The following PCDHA1 variants were observed in gnomAD, a reference collection of about 807,000 sequenced individuals.
The protein encoded by PCDHA1 is protocadherin alpha 1, also known as protocadherin alpha-1.
A neutral mutation model predicts 61.3 loss-of-function variants in PCDHA1; 42 were observed. The ratio of observed to expected loss-of-function variants is 0.69; its 90% CI spans 0.54 to 0.89. The LOEUF (loss-of-function observed/expected upper bound fraction) is 0.89, where lower values mean the gene tolerates loss of function less well. Among genes scored for constraint, PCDHA1 ranks in the 40% least tolerant of loss-of-function variants. The pLI is 0.00. For missense variants in PCDHA1, 1,256 were observed against 1,235.3 expected (o/e 1.02, Z -0.25); for synonymous variants, 610 against 553.8 (o/e 1.10, Z -1.43).
At chr5:140,933,613 A>G (rs1441475985) in intron 1 of PCDHA1, among the ~76,000 whole-genome samples, 1 of 151,962 alleles carries the variant, frequency 6.6e-6, no homozygotes, top group Non-Finnish European at 1.5e-5. Flanking sequence ...TTCTTTTCTT[A>G]TTAGGTTAGG....
Position 140,829,404 on chromosome 5 carries a change from C to T in PCDHA1, c.2394+40720C>T, listed in dbSNP as rs2150167278. On this transcript the variant is annotated intron_variant, in intron 1 of 3. Transcript: ENST00000504120. The stretch of plus-strand genomic sequence containing the variant: ...GGGGGCTCGCCTTCGCTGTGGGCCA[C>T]CGCCAGCTTGTCTGTGGAGGTGGCC... 9.9e-6 allele frequency: 16 copies of T among 1,613,990 alleles called. No homozygotes were observed. In the Admixed American group the frequency reaches 1.8e-4, roughly 18 times the overall value.
intron 1 of PCDHA1, chr5:140,870,171 C>T: frequency 6.2e-7 from 1 of 1,614,140 alleles, no homozygotes; most frequent in East Asian, 2.2e-5. Context: ...CCTTGTCCCT[C>T]CCAGTACGAG....
chr5:140,829,569 C>G (rs2150170274), intron 1 of PCDHA1: 1 of 1,612,602 alleles, frequency 6.2e-7, no homozygotes, highest in East Asian at 2.2e-5. Context: ...GTGTCCTACT[C>G]GCTGGTGGAG....
intron 1 of PCDHA1, chr5:140,822,072 G>C: frequency 6.2e-7 from 1 of 1,614,228 alleles, no homozygotes; most frequent in South Asian, 1.1e-5. Context: ...GGCGGAGGGC[G>C]GAGTGCAGCA....
intron 1 of PCDHA1, among the ~76,000 whole-genome samples, chr5:140,974,870 A>G (rs781837180): frequency 9.9e-5 from 15 of 152,182 alleles, no homozygotes; most frequent in African/African-American, 1.4e-4. Context: ...AATGCGGAAC[A>G]GTCTATGTAT....
chr5:140,849,985 G>A lies in PCDHA1; in HGVS notation c.2394+61301G>A, dbSNP rs2150461572. On this transcript the variant is annotated intron_variant, in intron 1 of 3. Coordinates refer to ENST00000504120, the MANE Select transcript of PCDHA1 (RefSeq NM_018900.4). ...CTGGTGTCCTACTCGCTGGTGGAGC[G>A]GCGGTTGGGCGAGCGCTCGCTGTCG... 42 of 1,597,276 alleles carry A rather than the reference G, an allele frequency of 2.6e-5. No homozygotes were observed. The East Asian group carries it at 9.4e-4, about 36-fold the overall frequency.
chr5:140,863,407 C>A (rs1343146552), intron 1 of PCDHA1: 4 of 788,794 alleles, frequency 5.1e-6, no homozygotes, highest in African/African-American at 1.7e-5. Flanking sequence ...CAAGCCCACG[C>A]TGGTGTACCG....
rs2042053771 is a variant in PCDHA1, at chr5:140,851,409, G to T, written c.2394+62725G>T. The T allele has an allele frequency of 1.7e-5, 16 of 964,844 alleles. 3 individuals are homozygous for T. Among genetic ancestry groups the T allele is most frequent in the Non-Finnish European group, 1.6e-5 (13 of 797,918 alleles). The allele number at this position is 964,844 out of a possible 1,614,324, so 59.8% of individuals were successfully genotyped here. On this transcript the variant is annotated intron_variant, in intron 1 of 3. Transcript: ENST00000504120. ...CAGTATCTATTATTTTAATAAGAAA[G>T]AAACTTCCCCTAAACTTTAGAAAAC...
At chr5:140,896,140 C>A (rs1415728420) in intron 1 of PCDHA1, among the ~76,000 whole-genome samples, 6 of 152,140 alleles carry the variant, frequency 3.9e-5, no homozygotes, top group Non-Finnish European at 7.4e-5. Flanking sequence ...ATCCAGTGCA[C>A]CATTGATGGG....
intron 1 of PCDHA1, chr5:140,796,428 G>T (rs562918602): frequency 1.2e-6 from 2 of 1,613,742 alleles, no homozygotes. Context: ...AGGAGAACGC[G>T]CTGGTGTCCT....
At chr5:140,795,976 T>C in intron 1 of PCDHA1, 1 of 1,614,100 alleles carries the variant, frequency 6.2e-7, no homozygotes, top group Non-Finnish European at 8.5e-7. Context: ...TAAAATTTCA[T>C]TAAAACTTGT....
chr5:140,859,141 A>T (rs1275943443), intron 1 of PCDHA1: 1 of 150,200 alleles, frequency 6.7e-6, no homozygotes, highest in African/African-American at 2.4e-5. Context: ...ACATAATTTT[A>T]TCCAGTAGCT....
intron 1 of PCDHA1, chr5:140,849,896 C>G: frequency 6.3e-7 from 1 of 1,598,590 alleles, no homozygotes; most frequent in Non-Finnish European, 8.6e-7. Flanking sequence ...TGAAGGAGAA[C>G]AACCCGCCGG....
At chr5:140,831,283 T>A (rs1771463407) in intron 1 of PCDHA1, 3 of 152,224 alleles carry the variant, frequency 2.0e-5, no homozygotes, top group Admixed American at 1.3e-4. Flanking sequence ...GGTCTTCTCT[T>A]CATGGAGTCT....
Position 140,827,991 on chromosome 5 carries a change from T to C in PCDHA1, c.2394+39307T>C, listed in dbSNP as rs1173902795. 6.1e-6 allele frequency: 9 copies of C among 1,468,882 alleles called. No individual in the cohort carries two copies. The African/African-American group carries it at 8.5e-5, about 14-fold the overall frequency. The allele number at this position is 1,468,882 out of a possible 1,614,324, so 91.0% of individuals were successfully genotyped here. On this transcript the variant is annotated intron_variant, in intron 1 of 3. Transcript: ENST00000504120. ...GCATCATTCCCTGACTGTTGAATGA[T>C]GGCGGACGCAGAAGAAATGGATTAA...
At chr5:140,982,592 C>G (rs376230429) in intron 3 of PCDHA1, 29 bp downstream of exon 3, 3 of 1,610,372 alleles carry the variant, frequency 1.9e-6, no homozygotes, top group Non-Finnish European at 2.5e-6. Flanking sequence ...TCCATTCTTT[C>G]TTGGTTTCTG....
rs150544958 is a variant in PCDHA1, at chr5:140,940,065, T to C, written c.2395-38884T>C. ...TATTAGATTCTTAACCAAATATAAA[T>C]ATGTGATATCTTTCTGCTAAATTGA... On this transcript the variant is annotated intron_variant, in intron 1 of 3. Coordinates refer to ENST00000504120, the MANE Select transcript of PCDHA1 (RefSeq NM_018900.4). Among the ~76,000 whole-genome samples the C allele has an allele frequency of 2.1e-3, 313 of 152,364 alleles. 1 individual carries two copies. Among genetic ancestry groups the C allele is most frequent in the African/African-American group, 7.1e-3 (295 of 41,596 alleles).
chr5:140,876,801 G>A lies in PCDHA1; in HGVS notation c.2394+88117G>A, dbSNP rs1015597244. 3.1e-6 allele frequency: 5 copies of A among 1,614,114 alleles called. No homozygotes were observed. The African/African-American group carries it at 6.7e-5, about 22-fold the overall frequency. On this transcript the variant is annotated intron_variant, in intron 1 of 3. Transcript: ENST00000504120. ...TGTGGGCCACGGCTAGAGTGTCCGT[G>A]GAGGTGGCCGACGTGAACGACAATG...
In PCDHA1 at chr5:140,852,849, T is replaced by G. The variant is rs1421796229; in HGVS notation, c.2394+64165T>G. Reference sequence around the variant, plus strand: ...CAGTCTCCTTAGAGCTAGTACTTACTAAGCATTTACTATGTCATCAATAAT... The same window carrying G: ...CAGTCTCCTTAGAGCTAGTACTTACGAAGCATTTACTATGTCATCAATAAT... On this transcript the variant is annotated intron_variant, in intron 1 of 3. Transcript: ENST00000504120. 3.1e-6 allele frequency: 3 copies of G among 967,454 alleles called. 1 individual carries two copies. Among genetic ancestry groups the G allele is most frequent in the East Asian group, 1.1e-4 (1 of 8,764 alleles). 59.9% of individuals were successfully genotyped at this position (967,454 alleles called of 1,614,324 possible).
Sources: gnomAD v4.1 joint callset for allele counts (sites outside exome capture counted in the v4.1 genomes callset) on GRCh38, gnomAD v4.1.1 for gene constraint, MANE v1.5 for transcripts, NCBI Gene and HGNC (gene_info 2026-07-23, HGNC 2026-07-21) for gene names.